Variants in NUP210L observed in about 807,000 individuals in gnomAD.
NUP210L encodes nuclear pore membrane glycoprotein 210-like.
NUP210L carries 74 observed loss-of-function variants against 208.5 expected under a neutral mutation model. The observed-to-expected ratio is 0.35, with a 90% CI of 0.29 to 0.43. The LOEUF (loss-of-function observed/expected upper bound fraction) is 0.43. Among genes scored for constraint, NUP210L ranks in the 20% least tolerant of loss-of-function variants. The pLI is 1.00. For missense variants in NUP210L, 1,843 were observed against 2,289.4 expected (o/e 0.81, Z 3.98); for synonymous variants, 780 against 816.9 (o/e 0.95, Z 0.77).
chr1:154,133,479 A>C (rs1015700745), intron 7 of NUP210L, among the ~76,000 whole-genome samples: 1 of 150,576 alleles, frequency 6.6e-6, no homozygotes, highest in Non-Finnish European at 1.5e-5. Context: ...CAAGGCTACT[A>C]TGAGTTATGA....
At chr1:154,057,253 C>T (rs1653917727) in intron 22 of NUP210L, among the ~76,000 whole-genome samples, 1 of 152,102 alleles carries the variant, frequency 6.6e-6, no homozygotes, top group African/African-American at 2.4e-5. Flanking sequence ...GCTGGGATTG[C>T]AGCATGAGTC....
chr1:154,107,330 C>T (rs1261244255), intron 12 of NUP210L, among the ~76,000 whole-genome samples: 3 of 151,600 alleles, frequency 2.0e-5, no homozygotes, highest in East Asian at 1.9e-4. Flanking sequence ...AAAAATTAGC[C>T]GGGCGTGTTG....
intron 35 of NUP210L, 120 bp from the exon 36 acceptor site, chr1:154,002,105 T>G: frequency 9.9e-7 from 1 of 1,013,924 alleles, no homozygotes; most frequent in South Asian, 1.6e-5. Context: ...AATGTGAATT[T>G]AGTTTTGAGT....
At chr1:154,155,052 G>T in exon 1 of NUP210L, 24 of 1,591,650 alleles carry the variant, frequency 1.5e-5, no homozygotes, top group Non-Finnish European at 2.0e-5. Context: ...CATGGCGACT[G>T]CCAGGTCTCG....
chr1:154,140,629 T>G (rs1245904013), intron 4 of NUP210L, among the ~76,000 whole-genome samples: 2 of 138,898 alleles, frequency 1.4e-5, no homozygotes, highest in Non-Finnish European at 3.2e-5. Flanking sequence ...ATCGTGTCAC[T>G]GCACTCCAGC....
intron 12 of NUP210L, among the ~76,000 whole-genome samples, chr1:154,114,020 G>A (rs1320792156): frequency 2.0e-5 from 3 of 151,864 alleles, no homozygotes; most frequent in Non-Finnish European, 4.4e-5. Flanking sequence ...GTGGGCGCCT[G>A]TAATCCCAGC....
At chr1:154,079,666 A>G (rs536169320) in intron 16 of NUP210L, 2 of 141,814 alleles carry the variant, frequency 1.4e-5, no homozygotes, top group South Asian at 2.4e-4. Flanking sequence ...GCCTAAGCCA[A>G]TTCAAAAAAG....
Position 154,096,778 on chromosome 1 carries a change from C to T in NUP210L, c.1966-1622G>A, listed in dbSNP as rs561928215. Among the ~76,000 whole-genome samples, 18 of 151,146 alleles carry T rather than the reference C, an allele frequency of 1.2e-4. No individual in the cohort carries two copies. In the South Asian group the frequency reaches 3.4e-3, roughly 28 times the overall value. On this transcript the variant is annotated intron_variant, in intron 14 of 39. Coordinates refer to ENST00000368559, the Ensembl canonical transcript of NUP210L. ...CAGGAAAAAAAAAAAAGACATGTTA[C>T]ACAGTGCCATACAAGTTTTTGGCCA...
intron 2 of NUP210L, among the ~76,000 whole-genome samples, chr1:154,151,962 C>T (rs779935320): frequency 5.3e-5 from 8 of 150,824 alleles, no homozygotes; most frequent in South Asian, 2.1e-4. Context: ...GGTGGCAGTG[C>T]GCCTGTAATC....
chr1:153,994,531 C>T (rs1239703365), intron 38 of NUP210L, among the ~76,000 whole-genome samples: 6 of 150,764 alleles, frequency 4.0e-5, no homozygotes, highest in Non-Finnish European at 5.9e-5. Flanking sequence ...AGGCTGGTCT[C>T]GAACTCCTGA....
chr1:154,021,553 A>G (rs1241514411), intron 32 of NUP210L, among the ~76,000 whole-genome samples: 2 of 146,286 alleles, frequency 1.4e-5, no homozygotes, highest in African/African-American at 5.6e-5. Context: ...CCTTATTACA[A>G]TGATGATATG....
intron 12 of NUP210L, among the ~76,000 whole-genome samples, chr1:154,109,386 G>A (rs1352168476): frequency 6.6e-6 from 1 of 151,582 alleles, no homozygotes; most frequent in Non-Finnish European, 1.5e-5. Context: ...GGATCCAGAT[G>A]TATAAGGCAA....
chr1:154,042,353 T>G (rs1652931451), intron 27 of NUP210L, among the ~76,000 whole-genome samples: 1 of 152,006 alleles, frequency 6.6e-6, no homozygotes, highest in Non-Finnish European at 1.5e-5. Flanking sequence ...TCCACTCACC[T>G]TGGCCTCCCA....
chr1:154,009,982 A>G (rs1165135584), exon 35 of NUP210L: 4 of 1,610,260 alleles, frequency 2.5e-6, no homozygotes, highest in South Asian at 2.2e-5. Flanking sequence ...CTTTCTCCAT[A>G]CTGAAATCTG....
At chr1:154,152,363 G>A (rs918293087) in intron 2 of NUP210L, among the ~76,000 whole-genome samples, 2 of 151,712 alleles carry the variant, frequency 1.3e-5, no homozygotes, top group African/African-American at 4.8e-5. Context: ...TAGTAGAGAC[G>A]AGGTTTTACC....
At chr1:154,056,876 A>G in exon 23 of NUP210L, 1 of 1,607,486 alleles carries the variant, frequency 6.2e-7, no homozygotes, top group Non-Finnish European at 8.5e-7. Context: ...AATAGCCACA[A>G]GTGTGGTTTG....
intron 2 of NUP210L, among the ~76,000 whole-genome samples, chr1:154,145,280 T>A (rs577002301): frequency 4.0e-5 from 6 of 151,704 alleles, no homozygotes; most frequent in African/African-American, 1.5e-4. Flanking sequence ...TAGCCGGGCG[T>A]GGTGGTGCAC....
chr1:154,072,770 T>C (rs1467961501), intron 16 of NUP210L, among the ~76,000 whole-genome samples: 1 of 152,012 alleles, frequency 6.6e-6, no homozygotes, highest in Non-Finnish European at 1.5e-5. Context: ...AAAAATCAAT[T>C]CGAGATGGAT....
intron 10 of NUP210L, among the ~76,000 whole-genome samples, chr1:154,121,882 G>T (rs1445211609): frequency 6.7e-6 from 1 of 150,372 alleles, no homozygotes; most frequent in Non-Finnish European, 1.5e-5. Context: ...AAAAGAAAAA[G>T]AAACTTTAAA....
Sources: gnomAD v4.1 joint callset for allele counts (sites outside exome capture counted in the v4.1 genomes callset) on GRCh38, gnomAD v4.1.1 for gene constraint, MANE v1.5 for transcripts, NCBI Gene and HGNC (gene_info 2026-07-23, HGNC 2026-07-21) for gene names.